EDA: variants seen among roughly 807,000 people sequenced by gnomAD.
EDA encodes ectodysplasin A, also known as ectodysplasin-A.
EDA carries 2 observed loss-of-function variants against 23.6 expected under a neutral mutation model. The ratio of observed to expected loss-of-function variants is 0.08; its 90% CI spans 0.03 to 0.27. The LOEUF is 0.27. Ranked by LOEUF, EDA falls within the 10% of genes least tolerant of loss-of-function variation. The probability of loss-of-function intolerance (pLI) is 1.00; values close to 1 mark genes in which losing one functional copy is unlikely to be tolerated. For synonymous variants in EDA, 131 were observed against 132.0 expected, an observed-to-expected ratio of 0.99 and a Z score of 0.05; for missense variants, 229 against 324.2, an observed-to-expected ratio of 0.71 and a Z score of 2.26.
At chrX:69,759,901 T>G (rs1358846218) in intron 1 of EDA, among the ~76,000 whole-genome samples, 2 of 109,605 alleles carry the variant, frequency 1.8e-5, no homozygotes, top group Non-Finnish European at 1.9e-5. Flanking sequence ...GACATTGGCA[T>G]GGTACAGCGT....
chrX:69,988,506 C>A (rs764509951), intron 2 of EDA, among the ~76,000 whole-genome samples: 1 of 111,364 alleles, frequency 9.0e-6, no homozygotes, highest in Non-Finnish European at 1.9e-5. Context: ...ACCTCATGTA[C>A]CCCATAAATA....
chrX:69,689,070 G>A (rs1056787699), intron 1 of EDA, among the ~76,000 whole-genome samples: 5 of 111,196 alleles, frequency 4.5e-5, no homozygotes, highest in African/African-American at 9.8e-5. Context: ...AAACGTAAGC[G>A]TTTATTTCTA....
At chrX:70,023,126 G>A (rs2020059023) in intron 2 of EDA, 92 bp from the exon 3 acceptor site, 1 of 582,139 alleles carries the variant, frequency 1.7e-6, no homozygotes, top group African/African-American at 2.3e-5. Context: ...AATTTGCAGT[G>A]TCTTGGGGAT....
chrX:69,676,520 TTG>T lies in EDA; in HGVS notation c.396+59834_396+59835del, dbSNP rs113231038. Among the ~76,000 whole-genome samples, 637 of 107,427 alleles carry T rather than the reference TTG, an allele frequency of 5.9e-3. 5 individuals carry two copies. Among genetic ancestry groups the T allele is most frequent in the Non-Finnish European group, 9.3e-3 (482 of 51,673 alleles). 93.3% of individuals were successfully genotyped at this position (107,427 alleles called of 115,157 possible). On this transcript the variant is annotated intron_variant, in intron 1 of 7. Transcript: ENST00000374552. ...TGTGTGTGCGCGCGCGCACGTGTGC[TTG>T]TGTGTGTGTGTGTGTGTAATCTCTA... is the stretch of plus-strand genomic sequence containing the variant.
At chrX:69,681,588 A>G (rs1212171025) in intron 1 of EDA, among the ~76,000 whole-genome samples, 1 of 110,783 alleles carries the variant, frequency 9.0e-6, no homozygotes, top group Non-Finnish European at 1.9e-5. Context: ...TCCATCATTG[A>G]TACCCTTTCT....
At chrX:69,916,349 AT>A (rs1289306758) in intron 1 of EDA, among the ~76,000 whole-genome samples, 1 of 102,012 alleles carries the variant, frequency 9.8e-6, no homozygotes, top group Non-Finnish European at 2.0e-5. Flanking sequence ...GAAATTTTCT[AT>A]TTTGGTACAT....
At chrX:69,657,127 G>T (rs866613036) in intron 1 of EDA, among the ~76,000 whole-genome samples, 40 of 112,043 alleles carry the variant, frequency 3.6e-4, no homozygotes, top group Non-Finnish European at 6.6e-4. Context: ...CAGTGTATAA[G>T]TGTTCACTTT....
intron 1 of EDA, among the ~76,000 whole-genome samples, chrX:69,921,789 ACTT>A (rs1214229486): frequency 1.8e-5 from 2 of 111,214 alleles, no homozygotes; most frequent in Non-Finnish European, 3.8e-5. Context: ...TCCCCTGATG[ACTT>A]CTTCTTAGAT....
rs1934079683 is a variant in EDA at position 69,676,352 on chromosome X, G to A, written c.396+59648G>A. Among the ~76,000 whole-genome samples, 4 of 111,523 alleles carry A rather than the reference G, an allele frequency of 3.6e-5. No homozygotes were observed. In the South Asian group the frequency reaches 1.5e-3, roughly 42 times the overall value. Reference sequence around the variant, plus strand: ...GTGAGAGCTGATGGCTTGGACCAGAGTAGTGGTGGTGAAAGTGGTAAAAGA... The same window carrying A: ...GTGAGAGCTGATGGCTTGGACCAGAATAGTGGTGGTGAAAGTGGTAAAAGA... On this transcript the variant is annotated intron_variant, in intron 1 of 7. Transcript: ENST00000374552.
chrX:69,903,579 G>A (rs765083511), intron 1 of EDA, among the ~76,000 whole-genome samples: 10 of 102,922 alleles, frequency 9.7e-5, no homozygotes, highest in South Asian at 9.0e-4. Context: ...GGCCCCCTCC[G>A]CACACACACA....
Position 69,712,772 on chromosome X carries a change from T to A in EDA, c.396+96068T>A, listed in dbSNP as rs768123516. On this transcript the variant is annotated intron_variant, in intron 1 of 7. Coordinates refer to ENST00000374552, the MANE Select transcript of EDA (RefSeq NM_001399.5). ...AAGACACATGCACATGCATGTTTAT[T>A]GCGGCACTATTCACAATAGCAAAGA... Among the ~76,000 whole-genome samples the A allele has an allele frequency of 5.4e-5, 6 of 111,356 alleles. No homozygotes were observed. In the South Asian group the frequency reaches 2.3e-3, roughly 43 times the overall value.
intron 1 of EDA, among the ~76,000 whole-genome samples, chrX:69,890,140 A>G (rs2017900548): frequency 9.0e-6 from 1 of 111,463 alleles, no homozygotes; most frequent in Non-Finnish European, 1.9e-5. Flanking sequence ...CCACAAAAAG[A>G]ATAAAATACC....
At position 70,036,743 on chromosome X, in the gene EDA, C is replaced by G. The variant is rs2020273570; in HGVS notation, c.*1134C>G. 8.9e-6 allele frequency: 1 copy of G among 112,439 alleles called. No homozygotes were observed. Among genetic ancestry groups the G allele is most frequent in the Admixed American group, 9.4e-5 (1 of 10,663 alleles). The allele number at this position is 112,439 out of a possible 1,213,427, so 9.3% of individuals were successfully genotyped here. On this transcript the variant is annotated 3_prime_UTR_variant, in exon 8 of 8. Transcript: ENST00000374552. ...AGCAAGGCAGAGCCTTTTTACCTGG[C>G]CTAGAAAGGGCAAGGGGTGAGGATA...
chrX:69,943,506 C>T (rs1282063352), intron 1 of EDA, among the ~76,000 whole-genome samples: 1 of 111,209 alleles, frequency 9.0e-6, no homozygotes, highest in Non-Finnish European at 1.9e-5. Flanking sequence ...TGCTCTCTTC[C>T]CTTACTTTCC....
Position 69,838,409 on chromosome X carries a change from C to T in EDA, c.397-118618C>T, listed in dbSNP as rs994099867. ...TTGGGAGGCTGAGGCGGGTGGATCACGAGGTCAAGAGATCAAGACCATCCT... is the reference window on the plus strand; with the variant it reads ...TTGGGAGGCTGAGGCGGGTGGATCATGAGGTCAAGAGATCAAGACCATCCT... On this transcript the variant is annotated intron_variant, in intron 1 of 7. Transcript: ENST00000374552. 1.2e-4 allele frequency among the ~76,000 whole-genome samples: 13 copies of T among 112,517 alleles called. No homozygotes were observed. In the South Asian group the frequency reaches 2.6e-3, roughly 22 times the overall value.
At chrX:69,854,637 T>C (rs1005905277) in intron 1 of EDA, among the ~76,000 whole-genome samples, 6 of 112,412 alleles carry the variant, frequency 5.3e-5, no homozygotes, top group African/African-American at 1.6e-4. Context: ...AAGGACATGA[T>C]CTCATTCTTT....
At chrX:69,719,970 G>A (rs1308846424) in intron 1 of EDA, among the ~76,000 whole-genome samples, 11 of 110,057 alleles carry the variant, frequency 1.0e-4, no homozygotes, top group Admixed American at 1.9e-4. Context: ...GGCTCGTCTC[G>A]AACTCCTGAC....
At chrX:69,841,756 A>G (rs1319079300) in intron 1 of EDA, among the ~76,000 whole-genome samples, 3 of 112,428 alleles carry the variant, frequency 2.7e-5, no homozygotes, top group East Asian at 2.8e-4. Context: ...AATTACAGAA[A>G]TAAACTTTTC....
rs192426166 is a variant in EDA at position 69,625,898 on chromosome X, C to A, written c.396+9194C>A. 4.5e-4 allele frequency among the ~76,000 whole-genome samples: 49 copies of A among 107,895 alleles called. No individual in the cohort carries two copies. The East Asian group carries it at 0.011, about 23-fold the overall frequency. 93.7% of individuals were successfully genotyped at this position (107,895 alleles called of 115,157 possible). ...GAAATGCAACAGACTAGGAGAAAAT[C>A]TTTGGAAAACATATATCTGGTAAAT... On this transcript the variant is annotated intron_variant, in intron 1 of 7. Coordinates refer to ENST00000374552, the MANE Select transcript of EDA (RefSeq NM_001399.5).
Sources: gnomAD v4.1 joint callset for allele counts (sites outside exome capture counted in the v4.1 genomes callset) on GRCh38, gnomAD v4.1.1 for gene constraint, MANE v1.5 for transcripts, NCBI Gene and HGNC (gene_info 2026-07-23, HGNC 2026-07-21) for gene names.